The following ME1 variants were observed in gnomAD, a reference collection of about 807,000 sequenced individuals.
ME1 encodes malic enzyme 1, also known as NADP-dependent malic enzyme.
A neutral mutation model predicts 66.4 loss-of-function variants in ME1; 74 were observed. The ratio of observed to expected loss-of-function variants is 1.11; its 90% CI spans 0.92 to 1.35. ME1 has a LOEUF of 1.35. ME1 is among the 40% of genes most tolerant of loss of function. ME1 has a pLI of 0.00. For missense variants in ME1, 750 were observed against 694.1 expected (o/e 1.08, Z -0.90); for synonymous variants, 251 against 235.6 (o/e 1.07, Z -0.60).
chr6:83,320,761 C>T (rs1232012008), intron 5 of ME1, among the ~76,000 whole-genome samples: 1 of 152,100 alleles, frequency 6.6e-6, no homozygotes, highest in Non-Finnish European at 1.5e-5. Context: ...AAGTATACAC[C>T]ATAAAGAAGT....
At chr6:83,320,973 G>A (rs750386) in intron 5 of ME1, among the ~76,000 whole-genome samples, 38,521 of 151,996 alleles carry the variant, frequency 0.25, 5,572 homozygotes, top group Middle Eastern at 0.46. Context: ...TCATTGGGAT[G>A]GGTTAGACAG....
At chr6:83,360,076 T>G (rs1768979820) in intron 3 of ME1, among the ~76,000 whole-genome samples, 1 of 152,220 alleles carries the variant, frequency 6.6e-6, no homozygotes, top group Admixed American at 6.5e-5. Flanking sequence ...CTAGGTCGAA[T>G]GGACAAAAGG....
intron 1 of ME1, among the ~76,000 whole-genome samples, chr6:83,422,833 G>C (rs555534851): frequency 2.6e-5 from 4 of 152,092 alleles, no homozygotes; most frequent in African/African-American, 9.6e-5. Flanking sequence ...TAGGCCTTTT[G>C]ATACTATCAT....
Position 83,380,906 on chromosome 6 carries a change from TG to T in ME1, c.362+17460del, listed in dbSNP as rs1207342199. Among the ~76,000 whole-genome samples, 3 of 152,088 alleles carry T rather than the reference TG, an allele frequency of 2.0e-5. No individual in the cohort carries two copies. In the South Asian group the frequency reaches 6.2e-4, roughly 32 times the overall value. On this transcript the variant is annotated intron_variant, in intron 3 of 13. Transcript: ENST00000369705. ...AGAACCAACATTTTAGTGGGTGGAA[TG>T]GATCACTGCAGTTAGCTGAACAGAT... is the stretch of plus-strand genomic sequence containing the variant.
intron 6 of ME1, among the ~76,000 whole-genome samples, chr6:83,310,726 G>A (rs955543814): frequency 8.6e-5 from 13 of 152,016 alleles, no homozygotes; most frequent in African/African-American, 2.7e-4. Flanking sequence ...GAGAAGTAGA[G>A]TAACTATAAG....
chr6:83,234,444 A>G (rs967637886), intron 9 of ME1, among the ~76,000 whole-genome samples: 6 of 152,094 alleles, frequency 3.9e-5, no homozygotes, highest in Middle Eastern at 6.8e-3. Flanking sequence ...TAAACTTTCT[A>G]TGTGTGAAAC....
intron 1 of ME1, among the ~76,000 whole-genome samples, chr6:83,416,900 A>C (rs186695715): frequency 6.6e-6 from 1 of 152,132 alleles, no homozygotes; most frequent in Admixed American, 6.5e-5. Context: ...GTCTAAAAAA[A>C]AAAAAAAAAA....
At chr6:83,407,147 A>G (rs969745683) in intron 2 of ME1, among the ~76,000 whole-genome samples, 1 of 152,158 alleles carries the variant, frequency 6.6e-6, no homozygotes, top group Non-Finnish European at 1.5e-5. Flanking sequence ...CCATGGATGA[A>G]AAAAACTAAG....
At chr6:83,360,562 C>A (rs1387946540) in intron 3 of ME1, among the ~76,000 whole-genome samples, 1 of 152,154 alleles carries the variant, frequency 6.6e-6, no homozygotes, top group East Asian at 1.9e-4. Flanking sequence ...AGCTCCCTGA[C>A]TGGTAGGGTG....
intron 9 of ME1, 141 bp downstream of exon 9, chr6:83,237,576 T>C (rs1790439815): frequency 2.0e-6 from 1 of 492,380 alleles, no homozygotes; most frequent in South Asian, 3.8e-5. Flanking sequence ...ATCAGTATTC[T>C]GTATGACATG....
chr6:83,394,672 G>A (rs1421309432), intron 3 of ME1, among the ~76,000 whole-genome samples: 2 of 152,102 alleles, frequency 1.3e-5, no homozygotes, highest in Non-Finnish European at 2.9e-5. Context: ...CTTTCAGTAG[G>A]CTTTTGTGTT....
chr6:83,357,929 CTCTCTCTATA>C (rs1170362761), intron 3 of ME1, among the ~76,000 whole-genome samples: 117 of 56,268 alleles, frequency 2.1e-3, no homozygotes, highest in Middle Eastern at 0.019. Context: ...CTCTCTCTCT[CTCTCTCTATA>C]TATATATATA....
chr6:83,393,753 A>G (rs1769677171), intron 3 of ME1, among the ~76,000 whole-genome samples: 1 of 152,200 alleles, frequency 6.6e-6, no homozygotes, highest in African/African-American at 2.4e-5. Context: ...TGAATTTAAA[A>G]CAGCTTTTTA....
chr6:83,306,694 A>C (rs527786245), intron 6 of ME1, among the ~76,000 whole-genome samples: 4 of 152,208 alleles, frequency 2.6e-5, no homozygotes, highest in African/African-American at 7.2e-5. Flanking sequence ...AGTTTCAAGA[A>C]CATTAGACTC....
intron 7 of ME1, among the ~76,000 whole-genome samples, chr6:83,243,903 A>G (rs192604647): frequency 2.8e-5 from 4 of 142,548 alleles, no homozygotes; most frequent in African/African-American, 1.0e-4. Context: ...ATATATATAT[A>G]TATCAGTTAA....
intron 3 of ME1, among the ~76,000 whole-genome samples, chr6:83,383,535 A>G (rs1477745131): frequency 9.9e-5 from 15 of 151,928 alleles, no homozygotes; most frequent in Admixed American, 9.8e-4. Context: ...AAGCACTGGA[A>G]AGAATCCTAA....
intron 3 of ME1, among the ~76,000 whole-genome samples, chr6:83,391,915 G>A (rs1769629061): frequency 6.6e-6 from 1 of 152,164 alleles, no homozygotes; most frequent in Non-Finnish European, 1.5e-5. Flanking sequence ...CTCCTGCAAA[G>A]CAACTGACAC....
At chr6:83,253,578 G>T in intron 7 of ME1, 51 bp downstream of exon 7, 1 of 895,162 alleles carries the variant, frequency 1.1e-6, no homozygotes, top group Non-Finnish European at 1.9e-6. Flanking sequence ...TTACAATTAT[G>T]AACTAATTTC....
chr6:83,394,608 C>T (rs1769693828), intron 3 of ME1, among the ~76,000 whole-genome samples: 1 of 152,176 alleles, frequency 6.6e-6, no homozygotes, highest in Admixed American at 6.5e-5. Flanking sequence ...TGGAAATCCA[C>T]ATTCAATATT....
Sources: allele counts gnomAD v4.1 joint callset (sites outside exome capture counted in the v4.1 genomes callset), GRCh38; gene constraint gnomAD v4.1.1; transcripts MANE v1.5; gene names NCBI Gene and HGNC (gene_info 2026-07-23, HGNC 2026-07-21).